The following PPARG variants were observed in gnomAD, a reference collection of about 807,000 sequenced individuals.
The protein encoded by PPARG is peroxisome proliferator-activated receptor gamma.
A neutral mutation model predicts 39.2 loss-of-function variants in PPARG; 17 were observed. That is an observed-to-expected ratio of 0.43 (90% CI 0.30 to 0.65). PPARG has a LOEUF of 0.65. Ranked by LOEUF, PPARG falls within the 30% of genes least tolerant of loss-of-function variation. The pLI is 0.13. For missense variants in PPARG, 406 were observed against 585.9 expected (o/e 0.69, Z 3.17); for synonymous variants, 223 against 215.7 (o/e 1.03, Z -0.30).
At chr3:12,339,956 C>T (rs1300436659) in intron 2 of PPARG, among the ~76,000 whole-genome samples, 1 of 152,220 alleles carries the variant, frequency 6.6e-6, no homozygotes, top group African/African-American at 2.4e-5. Flanking sequence ...GTACACAGTT[C>T]TCAAAGTGTT....
intron 4 of PPARG, among the ~76,000 whole-genome samples, chr3:12,384,494 T>C (rs566348848): frequency 6.6e-6 from 1 of 152,302 alleles, no homozygotes; most frequent in Admixed American, 6.5e-5. Context: ...ATGTACCAGA[T>C]ACTATGTGAG....
At chr3:12,410,672 G>C (rs1464124452) in intron 6 of PPARG, among the ~76,000 whole-genome samples, 1 of 152,162 alleles carries the variant, frequency 6.6e-6, no homozygotes, top group Non-Finnish European at 1.5e-5. Flanking sequence ...GGAAAAAATG[G>C]TCTTTCTAAA....
Position 12,379,841 on chromosome 3 carries a change from T to G in PPARG, c.130T>G (p.Ser44Ala). The change falls in exon 3 of 8, where the codon TCT (serine) becomes GCT (alanine). Residue 44 changes from serine (S) to alanine (A), a missense_variant. Coordinates refer to ENST00000651735, the MANE Select transcript of PPARG (RefSeq NM_138711.6). ...CACTACTGTTGACTTCTCCAGCATTTCTACTCCACATTACGAAGACATTCC... is the reference window on the plus strand; with the variant it reads ...CACTACTGTTGACTTCTCCAGCATTGCTACTCCACATTACGAAGACATTCC... ...PFTTVDFSSI[S>A]TPHYEDIPFT... The G allele has an allele frequency of 6.2e-7, 1 of 1,614,014 alleles. No individual in the cohort carries two copies. The highest frequency in any genetic ancestry group is 8.5e-7 in the Non-Finnish European group (1 of 1,179,894).
In PPARG at chr3:12,410,877, C is replaced by A. The variant is rs1010452777; in HGVS notation, c.729+4796C>A. Among the ~76,000 whole-genome samples the A allele has an allele frequency of 2.6e-5, 4 of 152,196 alleles. No homozygotes were observed. In the South Asian group the frequency reaches 6.2e-4, roughly 24 times the overall value. ...CTTACAGCTAAACAACGTATGGGTT[C>A]TTTTCCCTTTATCTCTGGAAAAGCC... On this transcript the variant is annotated intron_variant, in intron 6 of 7. Transcript: ENST00000651735.
intron 2 of PPARG, among the ~76,000 whole-genome samples, chr3:12,370,265 A>T (rs2049162064): frequency 6.7e-6 from 1 of 150,250 alleles, no homozygotes; most frequent in Non-Finnish European, 1.5e-5. Flanking sequence ...GTTCAGTGTC[A>T]TTCTGATTCC....
chr3:12,424,177 A>G (rs918370786), intron 7 of PPARG, among the ~76,000 whole-genome samples: 2 of 152,198 alleles, frequency 1.3e-5, no homozygotes, highest in Non-Finnish European at 2.9e-5. Context: ...ACTGGCACCC[A>G]ATTTTTAAAA....
chr3:12,419,435 A>G (rs1461914882), intron 7 of PPARG, among the ~76,000 whole-genome samples: 1 of 152,020 alleles, frequency 6.6e-6, no homozygotes, highest in East Asian at 1.9e-4. Flanking sequence ...TTAGAAAAAC[A>G]GTTGATATTA....
chr3:12,309,330 C>G (rs2047162202), intron 1 of PPARG, among the ~76,000 whole-genome samples: 1 of 152,086 alleles, frequency 6.6e-6, no homozygotes, highest in African/African-American at 2.4e-5. Context: ...GGTTTTTTGA[C>G]CTAGTGCTGT....
chr3:12,289,633 T>G (rs915166469), intron 1 of PPARG, among the ~76,000 whole-genome samples: 2 of 152,226 alleles, frequency 1.3e-5, no homozygotes, highest in Admixed American at 1.3e-4. Context: ...TATGGCAGTC[T>G]TTCTGTCTAT....
At chr3:12,342,740 G>A (rs1423611658) in intron 2 of PPARG, among the ~76,000 whole-genome samples, 1 of 151,180 alleles carries the variant, frequency 6.6e-6, no homozygotes, top group Non-Finnish European at 1.5e-5. Context: ...TTACCAGTCT[G>A]TATTTTCTAA....
intron 7 of PPARG, among the ~76,000 whole-genome samples, chr3:12,419,591 C>T (rs1013233178): frequency 6.6e-6 from 1 of 152,018 alleles, no homozygotes; most frequent in Non-Finnish European, 1.5e-5. Flanking sequence ...GCCTCAGCCT[C>T]CCTAGTAGCT....
intron 5 of PPARG, among the ~76,000 whole-genome samples, chr3:12,397,280 G>GTTCT (rs2050297737): frequency 6.6e-6 from 1 of 151,386 alleles, no homozygotes; most frequent in South Asian, 2.1e-4. Flanking sequence ...TTTTAAGGTA[G>GTTCT]TTCTCTCAGT....
At chr3:12,373,621 C>T (rs941385305) in intron 2 of PPARG, among the ~76,000 whole-genome samples, 4 of 151,762 alleles carry the variant, frequency 2.6e-5, no homozygotes, top group East Asian at 1.9e-4. Flanking sequence ...TTACTCTACT[C>T]TTCTGCATAA....
chr3:12,425,595 G>A (rs888855048), intron 7 of PPARG, among the ~76,000 whole-genome samples: 6 of 152,108 alleles, frequency 3.9e-5, no homozygotes, highest in South Asian at 2.1e-4. Flanking sequence ...GGAAGGGATC[G>A]TTCTTCCTAT....
chr3:12,408,366 G>T (rs1393351829), intron 6 of PPARG, among the ~76,000 whole-genome samples: 4 of 152,078 alleles, frequency 2.6e-5, no homozygotes, highest in African/African-American at 9.7e-5. Context: ...GCACAACACT[G>T]GTGTTTATAA....
At chr3:12,417,288 C>G (rs2125285802) in intron 7 of PPARG, 134 bp downstream of exon 7, 2 of 919,638 alleles carry the variant, frequency 2.2e-6, no homozygotes, top group East Asian at 2.6e-5. Context: ...TGAATCATCA[C>G]TACACGTGCA....
intron 4 of PPARG, among the ~76,000 whole-genome samples, chr3:12,387,232 C>T (rs1278429247): frequency 1.3e-5 from 2 of 152,104 alleles, no homozygotes; most frequent in Middle Eastern, 3.2e-3. Flanking sequence ...TGGATATATA[C>T]CCAGTAATGG....
intron 2 of PPARG, among the ~76,000 whole-genome samples, chr3:12,351,876 T>C (rs2048499944): frequency 1.3e-5 from 2 of 152,230 alleles, no homozygotes; most frequent in Admixed American, 6.5e-5. Context: ...TAACCTAATC[T>C]ATTTTATCTC....
chr3:12,343,220 A>G (rs771459272), intron 2 of PPARG, among the ~76,000 whole-genome samples: 1 of 152,070 alleles, frequency 6.6e-6, no homozygotes, highest in Non-Finnish European at 1.5e-5. Flanking sequence ...CTCATTCCCC[A>G]AGTTCATTCT....
Sources: allele counts gnomAD v4.1 joint callset (sites outside exome capture counted in the v4.1 genomes callset), GRCh38; gene constraint gnomAD v4.1.1; transcripts MANE v1.5; gene names NCBI Gene and HGNC (gene_info 2026-07-23, HGNC 2026-07-21).